XRN1: variants seen among roughly 807,000 people sequenced by gnomAD.
XRN1 encodes 5'-3' exoribonuclease 1, also known as strand-exchange protein 1 homolog.
A neutral mutation model predicts 222.3 loss-of-function variants in XRN1; 67 were observed. That is an observed-to-expected ratio of 0.30 (90% CI 0.25 to 0.37). XRN1 has a LOEUF of 0.37. Ranked by LOEUF, XRN1 falls within the 10% of genes least tolerant of loss-of-function variation. The pLI is 1.00. For missense variants in XRN1, 1,707 were observed against 2,000.2 expected, an observed-to-expected ratio of 0.85 and a Z score of 2.80; for synonymous variants, 643 against 652.4, an observed-to-expected ratio of 0.99 and a Z score of 0.22.
intron 20 of XRN1, among the ~76,000 whole-genome samples, chr3:142,392,448 A>G (rs975050837): frequency 1.3e-5 from 2 of 152,038 alleles, no homozygotes; most frequent in South Asian, 2.1e-4. Flanking sequence ...AGCATTAGGT[A>G]TATCTCCTAA....
intron 25 of XRN1, among the ~76,000 whole-genome samples, chr3:142,372,898 G>C (rs1325022350): frequency 1.3e-5 from 2 of 152,208 alleles, no homozygotes; most frequent in Admixed American, 6.5e-5. Context: ...GTGATACTAG[G>C]AGGTCCTCTG....
intron 33 of XRN1, among the ~76,000 whole-genome samples, chr3:142,336,240 G>A (rs1048535035): frequency 1.3e-5 from 2 of 151,888 alleles, no homozygotes; most frequent in South Asian, 2.1e-4. Context: ...AAAATATGAG[G>A]GGCATGAGGT....
chr3:142,307,534 C>T lies in XRN1; in HGVS notation c.*3977G>A, dbSNP rs1300085065. On this transcript the variant is annotated 3_prime_UTR_variant, in exon 41 of 41. Transcript: ENST00000392981. ...CACAAAAGCAGCTACAGATAGTTGA[C>T]ATTTTGGACTACTAAAACTATTTTA... 6.6e-6 allele frequency: 1 copy of T among 152,116 alleles called. No individual in the cohort carries two copies. Among genetic ancestry groups the T allele is most frequent in the Non-Finnish European group, 1.5e-5 (1 of 68,008 alleles). 9.4% of individuals were successfully genotyped at this position (152,116 alleles called of 1,614,324 possible).
chr3:142,403,764 CA>C lies in XRN1; in HGVS notation c.2012del (p.Leu671Ter), dbSNP rs1197134126. On this transcript the variant is annotated frameshift_variant, in exon 18 of 41. Transcript: ENST00000392981. LOFTEE classifies it high-confidence loss of function. ...TLKHIRHKFF[L>X]KKSGVQVFQQ... ...GGAATACTTGAACACCACTTTTCTTCAAAAAAAACTTTAAAAGAATTCAAAT... is the reference window on the plus strand; with the variant it reads ...GGAATACTTGAACACCACTTTTCTTCAAAAAAACTTTAAAAGAATTCAAAT... 1 of 1,611,614 alleles carries C rather than the reference CA, an allele frequency of 6.2e-7. No individual in the cohort carries two copies. Among genetic ancestry groups the C allele is most frequent in the Admixed American group, 1.7e-5 (1 of 59,780 alleles).
At chr3:142,388,007 T>C (rs1395363584) in intron 20 of XRN1, among the ~76,000 whole-genome samples, 3 of 152,228 alleles carry the variant, frequency 2.0e-5, no homozygotes, top group Admixed American at 6.5e-5. Context: ...ATACTTCTTG[T>C]GCAGTCTGCA....
chr3:142,390,293 G>A (rs1224836988), intron 20 of XRN1, among the ~76,000 whole-genome samples: 1 of 152,228 alleles, frequency 6.6e-6, no homozygotes, highest in Non-Finnish European at 1.5e-5. Flanking sequence ...ACCTATGGAA[G>A]TCCAGGATGG....
intron 30 of XRN1, among the ~76,000 whole-genome samples, chr3:142,359,607 G>A (rs1169405780): frequency 1.3e-5 from 2 of 152,034 alleles, no homozygotes; most frequent in Non-Finnish European, 2.9e-5. Context: ...ATAAAAACCT[G>A]CACTTCTTCC....
chr3:142,366,897 G>C (rs2066830219), intron 27 of XRN1, among the ~76,000 whole-genome samples: 1 of 152,204 alleles, frequency 6.6e-6, no homozygotes, highest in African/African-American at 2.4e-5. Flanking sequence ...AAATGAATAA[G>C]CTGGGTAATG....
chr3:142,321,310 AG>A (rs2065350037), intron 37 of XRN1, among the ~76,000 whole-genome samples: 1 of 151,838 alleles, frequency 6.6e-6, no homozygotes, highest in Non-Finnish European at 1.5e-5. Context: ...TAGTAGAGAC[AG>A]GGTTTCACCA....
Position 142,421,468 on chromosome 3 carries a change from T to C in XRN1, c.1035+8A>G, listed in dbSNP as rs765583737. On this transcript the variant is annotated splice_region_variant and intron_variant, in intron 9 of 40. Transcript: ENST00000392981. ...GCGACAGGAAACCAAAAATTTCTAG[T>C]TACTTACATCTGATAGTTTCACAAG... 6.3e-7 allele frequency: 1 copy of C among 1,596,742 alleles called. No homozygotes were observed. Among genetic ancestry groups the C allele is most frequent in the Admixed American group, 1.8e-5 (1 of 56,864 alleles).
rs1354456935 is a variant in XRN1, at chr3:142,310,064, C to T, written c.*1447G>A. ...AGATAATGAATATTTCTCTCTTATA[C>T]TGAAGGCACTGCTAATACACAAATA... is the stretch of plus-strand genomic sequence containing the variant. On this transcript the variant is annotated 3_prime_UTR_variant, in exon 41 of 41. Coordinates refer to ENST00000392981, the MANE Select transcript of XRN1 (RefSeq NM_001282857.2). 6.6e-6 allele frequency: 1 copy of T among 152,590 alleles called. No homozygotes were observed. Among genetic ancestry groups the T allele is most frequent in the Non-Finnish European group, 1.5e-5 (1 of 68,026 alleles). 9.5% of individuals were successfully genotyped at this position (152,590 alleles called of 1,614,324 possible).
intron 33 of XRN1, among the ~76,000 whole-genome samples, chr3:142,339,176 TGGTGGTGGCCACAGG>T (rs1250458162): frequency 1.3e-5 from 2 of 152,114 alleles, no homozygotes; most frequent in African/African-American, 4.8e-5. Flanking sequence ...GCAGTCCCAG[TGGTGGTGGCCACAGG>T]GGTACCTGTG....
At chr3:142,346,662 G>C (rs2066151875) in intron 33 of XRN1, among the ~76,000 whole-genome samples, 1 of 152,010 alleles carries the variant, frequency 6.6e-6, no homozygotes, top group African/African-American at 2.4e-5. Context: ...TGTATTTTTG[G>C]TAGAGATAGG....
rs1045711142 is a variant in XRN1 at position 142,308,578 on chromosome 3, T to C, written c.*2933A>G. 1 of 152,216 alleles carries C rather than the reference T, an allele frequency of 6.6e-6. No homozygotes were observed. The highest frequency in any genetic ancestry group is 6.5e-5 in the Admixed American group (1 of 15,282). 9.4% of individuals were successfully genotyped at this position (152,216 alleles called of 1,614,324 possible). ...ATGTTTAAGACTTTAGTCTACATGATGTTTAAATCAATTAATACATTCAAA... is the reference window on the plus strand; with the variant it reads ...ATGTTTAAGACTTTAGTCTACATGACGTTTAAATCAATTAATACATTCAAA... On this transcript the variant is annotated 3_prime_UTR_variant, in exon 41 of 41. Transcript: ENST00000392981.
intron 21 of XRN1, 134 bp downstream of exon 21, chr3:142,384,389 A>C (rs1344616654): frequency 2.2e-5 from 13 of 591,714 alleles, no homozygotes; most frequent in Non-Finnish European, 2.5e-6. Flanking sequence ...TTATTTTGTA[A>C]ATTATATTAA....
intron 29 of XRN1, among the ~76,000 whole-genome samples, chr3:142,363,483 CTAAT>C (rs1218210147): frequency 6.6e-6 from 1 of 152,128 alleles, no homozygotes; most frequent in Non-Finnish European, 1.5e-5. Context: ...TTTCGGGACT[CTAAT>C]TATATTCCAT....
chr3:142,439,254 C>T (rs1460388181), intron 1 of XRN1, among the ~76,000 whole-genome samples: 2 of 152,214 alleles, frequency 1.3e-5, no homozygotes, highest in African/African-American at 2.4e-5. Context: ...GCCATAACTG[C>T]AGCCCGAGAG....
At chr3:142,406,183 A>G (rs2068329489) in intron 15 of XRN1, among the ~76,000 whole-genome samples, 1 of 152,228 alleles carries the variant, frequency 6.6e-6, no homozygotes, top group Non-Finnish European at 1.5e-5. Flanking sequence ...CAAAATAGAA[A>G]GCCCAGAAAT....
At chr3:142,405,869 T>C (rs1473931071) in intron 15 of XRN1, among the ~76,000 whole-genome samples, 2 of 151,716 alleles carry the variant, frequency 1.3e-5, no homozygotes, top group Non-Finnish European at 2.9e-5. Flanking sequence ...AAAATCTAGG[T>C]GGTATTGATA....
Sources: allele counts gnomAD v4.1 joint callset (sites outside exome capture counted in the v4.1 genomes callset), GRCh38; gene constraint gnomAD v4.1.1; transcripts MANE v1.5; gene names NCBI Gene and HGNC (gene_info 2026-07-23, HGNC 2026-07-21).